Variants in MACROD2 observed in about 807,000 individuals in gnomAD.
MACROD2 encodes the protein mono-ADP ribosylhydrolase 2, also known as ADP-ribose glycohydrolase MACROD2.
A neutral mutation model predicts 70.4 loss-of-function variants in MACROD2; 36 were observed. The ratio of observed to expected loss-of-function variants is 0.51; its 90% CI spans 0.39 to 0.68. MACROD2 has a LOEUF of 0.68. MACROD2 is among the 30% of genes least tolerant of loss of function. MACROD2 has a pLI of 0.00. For missense variants in MACROD2, 496 were observed against 538.4 expected, an observed-to-expected ratio of 0.92 and a Z score of 0.78; for synonymous variants, 172 against 178.8, an observed-to-expected ratio of 0.96 and a Z score of 0.30.
chr20:15,792,344 A>G (rs2063631974), intron 8 of MACROD2, among the ~76,000 whole-genome samples: 1 of 152,164 alleles, frequency 6.6e-6, no homozygotes, highest in Non-Finnish European at 1.5e-5. Flanking sequence ...GACACAGAGC[A>G]CAAAAGAGAA....
At chr20:14,059,450 C>T (rs1216335332) in intron 2 of MACROD2, among the ~76,000 whole-genome samples, 1 of 152,004 alleles carries the variant, frequency 6.6e-6, no homozygotes, top group African/African-American at 2.4e-5. Context: ...AAATAAGATG[C>T]TTTAAATTTT....
intron 5 of MACROD2, among the ~76,000 whole-genome samples, chr20:15,104,797 G>C (rs1054639460): frequency 6.6e-6 from 1 of 152,032 alleles, no homozygotes; most frequent in Non-Finnish European, 1.5e-5. Context: ...TATTTAAAAA[G>C]CAATTTCAAC....
chr20:15,216,023 T>G (rs1362204910), intron 5 of MACROD2, among the ~76,000 whole-genome samples: 2 of 152,028 alleles, frequency 1.3e-5, no homozygotes, highest in East Asian at 3.9e-4. Flanking sequence ...TAGTAATAAT[T>G]TTATAACTAG....
chr20:15,219,751 T>C (rs1290188669), intron 5 of MACROD2, among the ~76,000 whole-genome samples: 1 of 152,120 alleles, frequency 6.6e-6, no homozygotes, highest in African/African-American at 2.4e-5. Context: ...GTGGATTCAT[T>C]ATATCTAAAT....
intron 3 of MACROD2, among the ~76,000 whole-genome samples, chr20:14,177,441 C>G (rs1001265013): frequency 3.3e-5 from 5 of 151,936 alleles, no homozygotes; most frequent in African/African-American, 1.2e-4. Context: ...CTCAGCCTCC[C>G]AAGTAGCTGG....
At chr20:15,318,123 C>T (rs1411276099) in intron 6 of MACROD2, among the ~76,000 whole-genome samples, 2 of 152,004 alleles carry the variant, frequency 1.3e-5, no homozygotes, top group Admixed American at 6.6e-5. Context: ...AGAAGTTGCA[C>T]TTAACTAAAA....
At chr20:14,547,342 AT>A (rs2085502415) in intron 4 of MACROD2, 2 of 235,650 alleles carry the variant, frequency 8.5e-6, no homozygotes, top group Non-Finnish European at 1.9e-5. Context: ...AAAGTCCATC[AT>A]ACAGATCACA....
chr20:15,433,934 A>T (rs890821491), intron 7 of MACROD2, among the ~76,000 whole-genome samples: 1 of 152,108 alleles, frequency 6.6e-6, no homozygotes, highest in Non-Finnish European at 1.5e-5. Context: ...ATACAAAAAC[A>T]TAAATTGGGG....
At chr20:15,633,871 AGAAAAAG>A (rs1300762632) in intron 8 of MACROD2, among the ~76,000 whole-genome samples, 2 of 152,220 alleles carry the variant, frequency 1.3e-5, no homozygotes, top group Non-Finnish European at 2.9e-5. Context: ...ATCTATTGTA[AGAAAAAG>A]TTCAACCTCT....
At chr20:14,441,755 T>A (rs2084126296) in intron 3 of MACROD2, among the ~76,000 whole-genome samples, 1 of 152,204 alleles carries the variant, frequency 6.6e-6, no homozygotes, top group Non-Finnish European at 1.5e-5. Context: ...ACTATGTGCC[T>A]CATAAAGACA....
chr20:15,970,981 A>C (rs891330169), intron 13 of MACROD2, among the ~76,000 whole-genome samples: 1 of 152,212 alleles, frequency 6.6e-6, no homozygotes, highest in African/African-American at 2.4e-5. Context: ...GAGTAACTTA[A>C]CTGCATTTTA....
At chr20:15,751,218 G>A (rs1195853073) in intron 8 of MACROD2, among the ~76,000 whole-genome samples, 1 of 151,988 alleles carries the variant, frequency 6.6e-6, no homozygotes, top group Non-Finnish European at 1.5e-5. Context: ...TATACCACAT[G>A]TATATGTATC....
intron 7 of MACROD2, among the ~76,000 whole-genome samples, chr20:15,478,827 G>A (rs1486663014): frequency 1.3e-5 from 2 of 152,192 alleles, no homozygotes; most frequent in African/African-American, 4.8e-5. Flanking sequence ...AGACTCTGGA[G>A]ATGCTATGTA....
intron 5 of MACROD2, among the ~76,000 whole-genome samples, chr20:14,934,416 C>T (rs1284397255): frequency 6.6e-6 from 1 of 152,138 alleles, no homozygotes; most frequent in African/African-American, 2.4e-5. Flanking sequence ...GCACCTTCAA[C>T]CCGTCTCCCC....
chr20:15,032,201 G>C (rs2075280552), intron 5 of MACROD2, among the ~76,000 whole-genome samples: 1 of 152,212 alleles, frequency 6.6e-6, no homozygotes. Context: ...GGGCTTCCCA[G>C]GCCCCCAGGA....
intron 10 of MACROD2, among the ~76,000 whole-genome samples, chr20:15,889,375 G>A (rs1156419747): frequency 1.3e-5 from 2 of 152,144 alleles, no homozygotes; most frequent in Admixed American, 1.3e-4. Context: ...AATTCTACAA[G>A]GCAGGAACTG....
intron 3 of MACROD2, among the ~76,000 whole-genome samples, chr20:14,385,329 T>C (rs142959280): frequency 6.6e-6 from 1 of 152,312 alleles, no homozygotes; most frequent in African/African-American, 2.4e-5. Flanking sequence ...CTTTATCAAA[T>C]TACAGTTTTA....
At chr20:15,374,237 AT>A (rs1241309769) in intron 6 of MACROD2, among the ~76,000 whole-genome samples, 1 of 151,914 alleles carries the variant, frequency 6.6e-6, no homozygotes, top group East Asian at 1.9e-4. Context: ...TATCATATAT[AT>A]AATCACATAT....
chr20:16,011,840 C>T (rs2066867596), intron 15 of MACROD2, among the ~76,000 whole-genome samples: 1 of 152,200 alleles, frequency 6.6e-6, no homozygotes, highest in African/African-American at 2.4e-5. Flanking sequence ...ATTCGTCTTG[C>T]ACTTTTCAGC....
Sources: allele counts gnomAD v4.1 joint callset (sites outside exome capture counted in the v4.1 genomes callset), GRCh38; gene constraint gnomAD v4.1.1; transcripts MANE v1.5; gene names NCBI Gene and HGNC (gene_info 2026-07-23, HGNC 2026-07-21).